EIF5A2: variants seen among roughly 807,000 people sequenced by gnomAD.
The protein encoded by EIF5A2 is eukaryotic translation initiation factor 5A-2.
In EIF5A2, 15 loss-of-function variants were observed where a neutral mutation model predicts 16.4. That is an observed-to-expected ratio of 0.92 (90% CI 0.61 to 1.41). EIF5A2 has a LOEUF of 1.41. EIF5A2 is among the 40% of genes most tolerant of loss of function. The pLI, the probability that EIF5A2 is intolerant of heterozygous loss-of-function variation, is 0.00. For missense variants in EIF5A2, 144 were observed against 189.5 expected (o/e 0.76, Z 1.41); for synonymous variants, 48 against 61.1 (o/e 0.79, Z 1.00).
Position 170,907,683 on chromosome 3 carries a change from C to T in EIF5A2, c.124G>A (p.Glu42Lys). Residue 42 changes from glutamate (E) to lysine (K), a missense_variant, in exon 2 of 5, where the codon GAG (glutamate) becomes AAG (lysine). Physicochemically the swap from Glu to Lys is moderately conservative, Grantham distance 56 (BLOSUM62 1). Transcript: ENST00000295822. ...TTTCCAGTTTTGGAAGTTGACATCT[C>T]CACTATTTTGCATGGTCGTCCTTTG... is the stretch of plus-strand genomic sequence containing the variant. ...VLKGRPCKIV[E>K]MSTSKTGKHG... 1 of 1,609,142 alleles carries T rather than the reference C, an allele frequency of 6.2e-7. No individual in the cohort carries two copies. The highest frequency in any genetic ancestry group is 8.5e-7 in the Non-Finnish European group (1 of 1,176,040).
intron 3 of EIF5A2, among the ~76,000 whole-genome samples, chr3:170,900,060 T>C (rs558184871): frequency 1.3e-5 from 2 of 151,714 alleles, no homozygotes; most frequent in Non-Finnish European, 2.9e-5. Flanking sequence ...GTATATAAGG[T>C]TATAAGGCTA....
chr3:170,898,169 T>C (rs947717463), intron 3 of EIF5A2, among the ~76,000 whole-genome samples: 3 of 152,260 alleles, frequency 2.0e-5, no homozygotes, highest in African/African-American at 4.8e-5. Flanking sequence ...TACAGGCTCA[T>C]AGGCGGAAGG....
chr3:170,905,365 A>G (rs960416169), intron 3 of EIF5A2, among the ~76,000 whole-genome samples: 57 of 152,334 alleles, frequency 3.7e-4, no homozygotes, highest in Non-Finnish European at 6.0e-4. Context: ...GCTCCAATCA[A>G]TGACTGGCTA....
rs55706439 is a variant in EIF5A2 at position 170,889,071 on chromosome 3, T to TTTTTTTG, written c.*4288_*4289insCAAAAAA. 8.1e-6 allele frequency: 1 copy of TTTTTTTG among 123,174 alleles called. No homozygotes were observed. Among genetic ancestry groups the TTTTTTTG allele is most frequent in the African/African-American group, 3.0e-5 (1 of 33,444 alleles). 7.6% of individuals were successfully genotyped at this position (123,174 alleles called of 1,614,324 possible). On this transcript the variant is annotated 3_prime_UTR_variant, in exon 5 of 5. Coordinates refer to ENST00000295822, the MANE Select transcript of EIF5A2 (RefSeq NM_020390.6). The stretch of plus-strand genomic sequence containing the variant: ...GTCTTTTTTTTTTTTTTTTTTTTTT[T>TTTTTTTG]GTAAAATAGGTTTCTACCTGTTCTA...
At chr3:170,903,418 T>C (rs1712859633) in intron 3 of EIF5A2, among the ~76,000 whole-genome samples, 1 of 152,204 alleles carries the variant, frequency 6.6e-6, no homozygotes, top group Non-Finnish European at 1.5e-5. Flanking sequence ...GGTACTTTGT[T>C]GGCCTGGAGT....
chr3:170,896,072 G>T (rs1315335039), intron 3 of EIF5A2, among the ~76,000 whole-genome samples: 2 of 152,136 alleles, frequency 1.3e-5, no homozygotes. Flanking sequence ...TCTATTTCAA[G>T]AGTTAAATGT....
intron 3 of EIF5A2, among the ~76,000 whole-genome samples, chr3:170,895,286 T>C (rs1486673281): frequency 6.6e-6 from 1 of 150,998 alleles, no homozygotes; most frequent in Non-Finnish European, 1.5e-5. Flanking sequence ...TGGTCTTCAG[T>C]CAACAACAAC....
chr3:170,897,809 C>T (rs1712711155), intron 3 of EIF5A2, among the ~76,000 whole-genome samples: 1 of 152,124 alleles, frequency 6.6e-6, no homozygotes, highest in Non-Finnish European at 1.5e-5. Flanking sequence ...GGGGGGTCAC[C>T]ATCTTCTAGA....
intron 3 of EIF5A2, among the ~76,000 whole-genome samples, chr3:170,896,538 C>T (rs1008599872): frequency 6.6e-6 from 1 of 152,154 alleles, no homozygotes; most frequent in Non-Finnish European, 1.5e-5. Context: ...GCAGTTCCCC[C>T]CTCACTTGCT....
At chr3:170,898,267 G>A (rs1712722782) in intron 3 of EIF5A2, among the ~76,000 whole-genome samples, 1 of 152,154 alleles carries the variant, frequency 6.6e-6, no homozygotes, top group African/African-American at 2.4e-5. Flanking sequence ...TGTTGAGAAG[G>A]CATGATTGTG....
chr3:170,906,878 G>T, intron 3 of EIF5A2, 111 bp downstream of exon 3: 3 of 593,482 alleles, frequency 5.1e-6, no homozygotes, highest in Non-Finnish European at 8.2e-6. Context: ...CTAATAATTG[G>T]TTAGAAAAAC....
At chr3:170,906,262 C>T (rs1370044060) in intron 3 of EIF5A2, among the ~76,000 whole-genome samples, 2 of 152,152 alleles carry the variant, frequency 1.3e-5, no homozygotes, top group East Asian at 3.8e-4. Flanking sequence ...TATAAGTAAT[C>T]TGAGCTTCCA....
intron 3 of EIF5A2, among the ~76,000 whole-genome samples, chr3:170,901,946 C>T (rs1039800080): frequency 1.3e-5 from 2 of 152,114 alleles, no homozygotes; most frequent in African/African-American, 4.8e-5. Context: ...AGACTGAATG[C>T]TTTATCACTA....
intron 3 of EIF5A2, among the ~76,000 whole-genome samples, chr3:170,896,423 C>A (rs1271548792): frequency 6.6e-6 from 1 of 152,120 alleles, no homozygotes; most frequent in Admixed American, 6.6e-5. Flanking sequence ...GAATTGTAAT[C>A]CCCACATGTC....
rs1712515460 is a variant in EIF5A2, at chr3:170,890,838, A to T, written c.*2522T>A. 2 of 152,608 alleles carry T rather than the reference A, an allele frequency of 1.3e-5. No individual in the cohort carries two copies. Among genetic ancestry groups the T allele is most frequent in the Admixed American group, 1.3e-4 (2 of 15,270 alleles). The allele number at this position is 152,608 out of a possible 1,614,324, so 9.5% of individuals were successfully genotyped here. A position where few individuals can be genotyped will look rare whatever the true frequency, so the allele number is the denominator to read the frequency against. On this transcript the variant is annotated 3_prime_UTR_variant, in exon 5 of 5. Coordinates refer to ENST00000295822, the MANE Select transcript of EIF5A2 (RefSeq NM_020390.6). ...AATGAAGTCACTTCTGTTCTATGTT[A>T]AAAAATACATGTTCCCCGCTTCCTT...
At chr3:170,902,392 T>C (rs906795969) in intron 3 of EIF5A2, among the ~76,000 whole-genome samples, 2 of 149,144 alleles carry the variant, frequency 1.3e-5, no homozygotes, top group Non-Finnish European at 3.0e-5. Context: ...GTGAATGCCA[T>C]TCAGCCTTTT....
chr3:170,900,890 A>G (rs1301048284), intron 3 of EIF5A2, among the ~76,000 whole-genome samples: 2 of 152,172 alleles, frequency 1.3e-5, no homozygotes, highest in South Asian at 2.1e-4. Context: ...CAGATCATAA[A>G]TTTTTTCTCC....
rs1237031267 is a variant in EIF5A2 at position 170,889,633 on chromosome 3, A to C, written c.*3727T>G. 6.6e-6 allele frequency: 1 copy of C among 152,586 alleles called. No homozygotes were observed. The highest frequency in any genetic ancestry group is 6.5e-5 in the Admixed American group (1 of 15,276). The allele number at this position is 152,586 out of a possible 1,614,324, so 9.5% of individuals were successfully genotyped here. On this transcript the variant is annotated 3_prime_UTR_variant, in exon 5 of 5. Transcript: ENST00000295822. ...TATATTTTCACTCTTACACTGCTTA[A>C]GAGCCATATTTTCTCATAGTAAATG...
intron 3 of EIF5A2, among the ~76,000 whole-genome samples, chr3:170,903,870 C>T (rs1712870329): frequency 6.6e-6 from 1 of 152,148 alleles, no homozygotes; most frequent in African/African-American, 2.4e-5. Context: ...ACAGTTTTGG[C>T]AATTCACTAA....
Sources: allele counts gnomAD v4.1 joint callset (sites outside exome capture counted in the v4.1 genomes callset), GRCh38; gene constraint gnomAD v4.1.1; transcripts MANE v1.5; gene names NCBI Gene and HGNC (gene_info 2026-07-23, HGNC 2026-07-21).